Variants in NRXN1 observed in about 807,000 individuals in gnomAD.
NRXN1 encodes neurexin-1.
NRXN1 carries 39 observed loss-of-function variants against 150.9 expected under a neutral mutation model. The observed-to-expected ratio is 0.26, with a 90% confidence interval of 0.20 to 0.34. The LOEUF (loss-of-function observed/expected upper bound fraction) is 0.34. Among genes scored for constraint, NRXN1 ranks in the 10% least tolerant of loss-of-function variants. The pLI, the probability that NRXN1 is intolerant of heterozygous loss-of-function variation, is 1.00. For missense variants in NRXN1, 1,815 were observed against 1,949.9 expected, an observed-to-expected ratio of 0.93 and a Z score of 1.30; for synonymous variants, 924 against 757.0, an observed-to-expected ratio of 1.22 and a Z score of -3.62.
intron 18 of NRXN1, among the ~76,000 whole-genome samples, chr2:50,234,965 A>C (rs1432575268): frequency 6.6e-6 from 1 of 152,122 alleles, no homozygotes; most frequent in Non-Finnish European, 1.5e-5. Flanking sequence ...ATTGGAAAGA[A>C]ATACCTATTC....
intron 18 of NRXN1, among the ~76,000 whole-genome samples, chr2:50,167,816 G>T (rs2059779345): frequency 6.6e-6 from 1 of 152,194 alleles, no homozygotes; most frequent in African/African-American, 2.4e-5. Context: ...AATTTCAAGA[G>T]CTCCCAGGTA....
chr2:50,654,397 T>C (rs1686101289), intron 5 of NRXN1, among the ~76,000 whole-genome samples: 1 of 152,006 alleles, frequency 6.6e-6, no homozygotes, highest in Non-Finnish European at 1.5e-5. Flanking sequence ...CCATGGTGTA[T>C]ATGTGCCACA....
At chr2:50,157,942 G>A (rs906784859) in intron 18 of NRXN1, among the ~76,000 whole-genome samples, 2 of 151,690 alleles carry the variant, frequency 1.3e-5, no homozygotes, top group East Asian at 2.0e-4. Flanking sequence ...GTAATCCCCC[G>A]AGAGTGGATA....
intron 8 of NRXN1, among the ~76,000 whole-genome samples, chr2:50,567,682 T>C (rs1011176104): frequency 1.3e-5 from 2 of 152,160 alleles, no homozygotes; most frequent in African/African-American, 2.4e-5. Flanking sequence ...GTTGGAAACA[T>C]ATTTATTAAA....
At chr2:50,823,074 G>A (rs987439522) in intron 5 of NRXN1, among the ~76,000 whole-genome samples, 1 of 152,088 alleles carries the variant, frequency 6.6e-6, no homozygotes, top group African/African-American at 2.4e-5. Context: ...TGGAGACCTG[G>A]GCACCATTAC....
chr2:50,130,455 C>T (rs188201216), intron 18 of NRXN1, among the ~76,000 whole-genome samples: 258 of 152,210 alleles, frequency 1.7e-3, no homozygotes, highest in African/African-American at 5.3e-3. Flanking sequence ...AGAACCAATC[C>T]ACCTCCTCAA....
chr2:50,473,126 C>T lies in NRXN1; in HGVS notation c.3071-655G>A, dbSNP rs575388694. Among the ~76,000 whole-genome samples, 76 of 151,894 alleles carry T rather than the reference C, an allele frequency of 5.0e-4. 1 individual carries two copies. The East Asian group carries it at 0.013, about 26-fold the overall frequency. The stretch of plus-strand genomic sequence containing the variant: ...TATCCTTGCTTGCACCTCTCTTGTT[C>T]GATAATTCACATAATAGTCTGTACA... On this transcript the variant is annotated intron_variant, in intron 15 of 22. Coordinates refer to ENST00000401669, the MANE Select transcript of NRXN1 (RefSeq NM_001330078.2).
At chr2:50,321,074 G>A (rs186513951) in intron 17 of NRXN1, among the ~76,000 whole-genome samples, 28 of 152,214 alleles carry the variant, frequency 1.8e-4, no homozygotes, top group Admixed American at 3.9e-4. Flanking sequence ...AATCATCACC[G>A]TCTACAGCCA....
intron 8 of NRXN1, among the ~76,000 whole-genome samples, chr2:50,571,795 T>C (rs1279208477): frequency 2.6e-5 from 4 of 152,006 alleles, no homozygotes; most frequent in African/African-American, 9.7e-5. Context: ...AGAAAACCAT[T>C]CAGATGCTTG....
intron 9 of NRXN1, among the ~76,000 whole-genome samples, chr2:50,543,693 A>G (rs2093434862): frequency 6.6e-6 from 1 of 152,138 alleles, no homozygotes; most frequent in Non-Finnish European, 1.5e-5. Context: ...GTAGTGAGGT[A>G]GTTTTTCATT....
At chr2:49,923,003 T>C (rs1668494545) in intron 22 of NRXN1, among the ~76,000 whole-genome samples, 1 of 152,124 alleles carries the variant, frequency 6.6e-6, no homozygotes, top group Non-Finnish European at 1.5e-5. Context: ...CCTAATAGAT[T>C]AGATAATAAT....
chr2:50,736,430 T>A (rs1424070874), intron 5 of NRXN1, among the ~76,000 whole-genome samples: 1 of 152,124 alleles, frequency 6.6e-6, no homozygotes, highest in African/African-American at 2.4e-5. Flanking sequence ...CTAGTGAGTG[T>A]CTTTACGCTT....
chr2:50,756,722 A>C (rs946633960), intron 5 of NRXN1, among the ~76,000 whole-genome samples: 9 of 151,832 alleles, frequency 5.9e-5, no homozygotes, highest in Admixed American at 2.0e-4. Context: ...GGAATAGAAA[A>C]AATTTCTCAT....
chr2:50,659,597 C>A (rs1474832508), intron 5 of NRXN1, among the ~76,000 whole-genome samples: 1 of 151,620 alleles, frequency 6.6e-6, no homozygotes, highest in African/African-American at 2.4e-5. Context: ...CATTTAGAAA[C>A]CAAATATACT....
chr2:50,475,139 T>G (rs1437946078), intron 15 of NRXN1, among the ~76,000 whole-genome samples: 1 of 152,108 alleles, frequency 6.6e-6, no homozygotes, highest in African/African-American at 2.4e-5. Context: ...CCTCCAGGAC[T>G]AATGAATGTA....
chr2:50,822,770 T>C (rs2105835911), intron 5 of NRXN1, among the ~76,000 whole-genome samples: 1 of 152,282 alleles, frequency 6.6e-6, no homozygotes, highest in East Asian at 1.9e-4. Flanking sequence ...GAGAACTCTT[T>C]AGCTTAATTA....
chr2:50,239,502 T>TAAA (rs67135789), intron 17 of NRXN1, among the ~76,000 whole-genome samples: 1 of 147,326 alleles, frequency 6.8e-6, no homozygotes, highest in Non-Finnish European at 1.5e-5. Context: ...CTTTCACAAT[T>TAAA]AAAAAAAATC....
chr2:50,871,975 A>C (rs1188102399), intron 5 of NRXN1, among the ~76,000 whole-genome samples: 1 of 151,856 alleles, frequency 6.6e-6, no homozygotes, highest in Non-Finnish European at 1.5e-5. Context: ...AATGTAATAA[A>C]ACTACTTCAT....
rs191415861 is a variant in NRXN1, at chr2:49,983,246, C to T, written c.4129-39455G>A. On this transcript the variant is annotated intron_variant, in intron 21 of 22. Coordinates refer to ENST00000401669, the MANE Select transcript of NRXN1 (RefSeq NM_001330078.2). The stretch of plus-strand genomic sequence containing the variant: ...ATTATTAGCAACTCAAGGGATGAGC[C>T]GCTGTCCACTTCATCTTTGGAACAT... 1.5e-3 allele frequency among the ~76,000 whole-genome samples: 233 copies of T among 152,136 alleles called. 3 individuals are homozygous for T. The highest frequency in any genetic ancestry group is 2.0e-3 in the Non-Finnish European group (139 of 68,002).
Sources: allele counts gnomAD v4.1 joint callset (sites outside exome capture counted in the v4.1 genomes callset), GRCh38; gene constraint gnomAD v4.1.1; transcripts MANE v1.5; gene names NCBI Gene and HGNC (gene_info 2026-07-23, HGNC 2026-07-21).